The following MICAL3 variants were observed in gnomAD, a reference collection of about 807,000 sequenced individuals.
The protein encoded by MICAL3 is microtubule associated monooxygenase, calponin and LIM domain containing 3.
MICAL3 carries 62 observed loss-of-function variants against 207.4 expected under a neutral mutation model. That is an observed-to-expected ratio of 0.30 (90% CI 0.24 to 0.37). The LOEUF (loss-of-function observed/expected upper bound fraction) is 0.37, where lower values mean the gene tolerates loss of function less well. Ranked by LOEUF, MICAL3 falls within the 10% of genes least tolerant of loss-of-function variation. MICAL3 has a pLI of 1.00. For missense variants in MICAL3, 2,368 were observed against 2,635.6 expected, an observed-to-expected ratio of 0.90 and a Z score of 2.22; for synonymous variants, 1,077 against 1,069.3, an observed-to-expected ratio of 1.01 and a Z score of -0.14.
At chr22:17,979,207 A>C (rs1002254157) in intron 1 of MICAL3, among the ~76,000 whole-genome samples, 21 of 152,012 alleles carry the variant, frequency 1.4e-4, no homozygotes, top group Admixed American at 2.6e-4. Flanking sequence ...ATGTCTTATG[A>C]GTCACCATAT....
At chr22:17,990,010 C>G (rs565812247) in intron 1 of MICAL3, among the ~76,000 whole-genome samples, 2 of 152,222 alleles carry the variant, frequency 1.3e-5, no homozygotes, top group African/African-American at 4.8e-5. Flanking sequence ...CATGAAGCCG[C>G]CCCTGCCCTA....
In MICAL3 at chr22:17,842,101, C is replaced by A. The variant is rs1602028743; in HGVS notation, c.2606-84G>T. 2.2e-6 allele frequency: 3 copies of A among 1,337,664 alleles called. No homozygotes were observed. In the East Asian group the frequency reaches 7.3e-5, roughly 33 times the overall value. 82.9% of individuals were successfully genotyped at this position (1,337,664 alleles called of 1,614,324 possible). A position where few individuals can be genotyped will look rare whatever the true frequency, so the allele number is the denominator to read the frequency against. On this transcript the variant is annotated intron_variant, in intron 19 of 31. Coordinates refer to ENST00000441493, the MANE Select transcript of MICAL3 (RefSeq NM_015241.3). ...TGGGGGCTGACACCCAGGCTGCAGG[C>A]CCTCCTGCCAGAATGTGGGGCAGGA...
chr22:17,829,108 C>T (rs1354477675), intron 21 of MICAL3, among the ~76,000 whole-genome samples: 1 of 151,250 alleles, frequency 6.6e-6, no homozygotes, highest in South Asian at 2.1e-4. Flanking sequence ...AGTTGCTGGT[C>T]TCTATAGATG....
chr22:17,823,983 A>G (rs551871375), intron 22 of MICAL3, among the ~76,000 whole-genome samples: 9 of 152,316 alleles, frequency 5.9e-5, no homozygotes, highest in South Asian at 2.1e-4. Flanking sequence ...GGCTGAAGGT[A>G]CGTAAAGTTC....
intron 1 of MICAL3, among the ~76,000 whole-genome samples, chr22:17,999,560 G>C (rs572331038): frequency 3.3e-5 from 5 of 152,250 alleles, no homozygotes; most frequent in African/African-American, 1.2e-4. Context: ...CAAGGACTGT[G>C]CTAAGTTCTT....
chr22:17,985,728 G>T (rs8138499), intron 1 of MICAL3, among the ~76,000 whole-genome samples: 11,197 of 152,110 alleles, frequency 0.074, 908 homozygotes, highest in African/African-American at 0.2. Flanking sequence ...TCACTGTGCA[G>T]CAGCAGAATC....
intron 1 of MICAL3, among the ~76,000 whole-genome samples, chr22:17,960,889 C>T (rs188258259): frequency 9.2e-4 from 140 of 152,248 alleles, no homozygotes; most frequent in African/African-American, 3.2e-3. Flanking sequence ...GGAAAGAGCA[C>T]GAGCTCAGCA....
At chr22:17,861,005 A>G (rs2146128139) in intron 19 of MICAL3, 1 of 985,284 alleles carries the variant, frequency 1.0e-6, no homozygotes, top group Middle Eastern at 5.2e-4. Context: ...ACAAACGTGT[A>G]CCTATATATA....
In MICAL3 at chr22:17,811,151, C is replaced by G. The variant is rs546116389; in HGVS notation, c.5446-338G>C. On this transcript the variant is annotated intron_variant, in intron 27 of 31. Transcript: ENST00000441493. ...GCAGTTAAAACAATAAAGGGACACA[C>G]GCTCCTTTATCACTGAGATCACCTG... The G allele has an allele frequency of 4.1e-5, 8 of 196,680 alleles. 1 individual carries two copies. The highest frequency in any genetic ancestry group is 4.0e-3 in the Middle Eastern group (2 of 504). The allele number at this position is 196,680 out of a possible 1,614,324, so 12.2% of individuals were successfully genotyped here. A position where few individuals can be genotyped will look rare whatever the true frequency, so the allele number is the denominator to read the frequency against.
intron 1 of MICAL3, among the ~76,000 whole-genome samples, chr22:17,945,006 A>G (rs906095754): frequency 8.9e-6 from 1 of 112,470 alleles, no homozygotes; most frequent in Admixed American, 1.0e-4. Flanking sequence ...GCACTGGGGG[A>G]CCTTTTTTTT....
chr22:17,870,593 G>T (rs539982303), intron 17 of MICAL3, among the ~76,000 whole-genome samples: 1 of 152,188 alleles, frequency 6.6e-6, no homozygotes, highest in South Asian at 2.1e-4. Flanking sequence ...CACGGTGAGA[G>T]GCTAACTAGA....
At position 17,902,473 on chromosome 22, in the gene MICAL3, C is replaced by T. The variant is rs575525595; in HGVS notation, c.589+158G>A. On this transcript the variant is annotated intron_variant, in intron 4 of 31. Coordinates refer to ENST00000441493, the MANE Select transcript of MICAL3 (RefSeq NM_015241.3). The surrounding 1 kb of genome is among the most constrained non-coding windows in gnomAD (Gnocchi z 4.5). ...GCCCTTCCCACCACATGTGCGCCTGCGACATCTAAGGCTGCATCCAGGCCA... is the reference window on the plus strand; with the variant it reads ...GCCCTTCCCACCACATGTGCGCCTGTGACATCTAAGGCTGCATCCAGGCCA... Among the ~76,000 whole-genome samples the T allele has an allele frequency of 4.5e-4, 69 of 152,314 alleles. 1 individual carries two copies. The highest frequency in any genetic ancestry group is 8.5e-4 in the Admixed American group (13 of 15,292).
intron 1 of MICAL3, among the ~76,000 whole-genome samples, chr22:18,016,321 C>A (rs536649373): frequency 5.7e-4 from 86 of 152,178 alleles, no homozygotes; most frequent in Non-Finnish European, 1.1e-3. Context: ...AGATGAATTT[C>A]TTTTTATGAA....
At chr22:17,830,204 G>A (rs541909287) in intron 21 of MICAL3, among the ~76,000 whole-genome samples, 3 of 152,228 alleles carry the variant, frequency 2.0e-5, no homozygotes, top group South Asian at 2.1e-4. Flanking sequence ...ATCCCACAGC[G>A]CGATCAAGCA....
intron 1 of MICAL3, among the ~76,000 whole-genome samples, chr22:17,964,134 T>C (rs1935043439): frequency 1.3e-5 from 2 of 152,134 alleles, no homozygotes; most frequent in Admixed American, 6.6e-5. Context: ...GGATTCAAAA[T>C]GGTGTTACTA....
At chr22:17,952,760 GA>G (rs987322893) in intron 1 of MICAL3, among the ~76,000 whole-genome samples, 1 of 152,180 alleles carries the variant, frequency 6.6e-6, no homozygotes, top group African/African-American at 2.4e-5. Flanking sequence ...GCCTGATGAG[GA>G]AAAGGCTGGT....
At position 17,817,982 on chromosome 22, in the gene MICAL3, G is replaced by A. The variant is rs761139546; in HGVS notation, c.4679C>T (p.Pro1560Leu). ...WPRPEKPRHPPLAKENGRLPA... is the reference protein window; with the variant it reads ...WPRPEKPRHPLLAKENGRLPA... ...CAGCCTCCCGTTCTCCTTGGCCAGG[G>A]GCGGGTGGCGAGGCTTCTCGGGGCG... The change falls in exon 26 of 32, where the codon CCC becomes CTC. Residue 1560 changes from proline to leucine, a missense_variant. Pro to Leu is a moderately conservative substitution (Grantham distance 98). Coordinates refer to ENST00000441493, the MANE Select transcript of MICAL3 (RefSeq NM_015241.3). The A allele has an allele frequency of 6.2e-7, 1 of 1,612,316 alleles. No homozygotes were observed. Among genetic ancestry groups the A allele is most frequent in the African/African-American group, 1.3e-5 (1 of 74,934 alleles).
chr22:17,849,461 A>G (rs1263606008), intron 19 of MICAL3, among the ~76,000 whole-genome samples: 1 of 152,112 alleles, frequency 6.6e-6, no homozygotes, highest in East Asian at 1.9e-4. Context: ...CAGCCTCCTG[A>G]GTAGCTGAGA....
intron 10 of MICAL3, 104 bp from the exon 11 acceptor site, chr22:17,894,008 T>A: frequency 1.2e-6 from 1 of 806,192 alleles, no homozygotes; most frequent in Non-Finnish European, 2.0e-6. Context: ...GATAGAAGGC[T>A]GGGTAAAGTT....
Sources: allele counts gnomAD v4.1 joint callset (sites outside exome capture counted in the v4.1 genomes callset), GRCh38; gene constraint gnomAD v4.1.1; non-coding constraint Gnocchi (gnomAD v3.1); transcripts MANE v1.5; gene names NCBI Gene and HGNC (gene_info 2026-07-23, HGNC 2026-07-21).